CLEC16A: variants seen among roughly 807,000 people sequenced by gnomAD.
The protein encoded by CLEC16A is C-type lectin domain containing 16A.
In CLEC16A, 51 loss-of-function variants were observed where a neutral mutation model predicts 109.5. The observed-to-expected ratio is 0.47, with a 90% CI of 0.37 to 0.59. The LOEUF is 0.59. Among genes scored for constraint, CLEC16A ranks in the 20% least tolerant of loss-of-function variants. CLEC16A has a pLI of 0.00. For synonymous variants in CLEC16A, 673 were observed against 564.2 expected (o/e 1.19, Z -2.73); for missense variants, 1,339 against 1,394.0 (o/e 0.96, Z 0.63).
chr16:11,098,044 A>G (rs2050705519), intron 19 of CLEC16A, among the ~76,000 whole-genome samples: 1 of 152,236 alleles, frequency 6.6e-6, no homozygotes, highest in African/African-American at 2.4e-5. Context: ...CCCGGTGCCC[A>G]GGTCACACCC....
At chr16:11,127,625 T>G (rs2153040306) in intron 22 of CLEC16A, among the ~76,000 whole-genome samples, 2 of 152,310 alleles carry the variant, frequency 1.3e-5, no homozygotes, top group South Asian at 4.2e-4. Flanking sequence ...CCTAGCACTT[T>G]GGGAGGCTAA....
At position 10,962,581 on chromosome 16, in the gene CLEC16A, C is replaced by A. The variant is rs201484456; in HGVS notation, c.336C>A (p.Thr112=). Residue 112 remains threonine (T), a synonymous_variant, in exon 3 of 24, where the codon ACC becomes ACA. Coordinates refer to ENST00000409790, the MANE Select transcript of CLEC16A (RefSeq NM_015226.3). Reference sequence around the variant, plus strand: ...TCTTTGAGAACATCAGTCACGAGACCTCACTTTGTAAGGACATTCCTTGGT... The same window carrying A: ...TCTTTGAGAACATCAGTCACGAGACATCACTTTGTAAGGACATTCCTTGGT... ...NILFENISHE[T]SLYYLLSNNY... 11 of 1,613,760 alleles carry A rather than the reference C, an allele frequency of 6.8e-6. No homozygotes were observed. Among genetic ancestry groups the A allele is most frequent in the Non-Finnish European group, 9.3e-6 (11 of 1,179,728 alleles).
rs373999843 is a variant in CLEC16A, at chr16:11,115,074, G to A, written c.2117-5541G>A. Among the ~76,000 whole-genome samples the A allele has an allele frequency of 2.1e-4, 32 of 152,248 alleles. 1 individual carries two copies. In the South Asian group the frequency reaches 5.6e-3, roughly 27 times the overall value. On this transcript the variant is annotated intron_variant, in intron 19 of 23. Transcript: ENST00000409790. ...GGTGGAGGTGGCAGGTCTTTCTTCCGCTGAAGCCCCTCAGGCAGCCAGGCT... is the reference window on the plus strand; with the variant it reads ...GGTGGAGGTGGCAGGTCTTTCTTCCACTGAAGCCCCTCAGGCAGCCAGGCT...
chr16:10,945,941 C>T (rs2041341263), intron 1 of CLEC16A, among the ~76,000 whole-genome samples: 2 of 152,186 alleles, frequency 1.3e-5, no homozygotes, highest in South Asian at 4.1e-4. Context: ...GTTGTATTCC[C>T]AGCATCTAGG....
intron 10 of CLEC16A, among the ~76,000 whole-genome samples, chr16:10,983,579 T>C (rs1010252080): frequency 1.3e-5 from 2 of 152,216 alleles, no homozygotes; most frequent in Non-Finnish European, 2.9e-5. Context: ...GTTTGTGGTC[T>C]GCAGGAAGGA....
intron 19 of CLEC16A, among the ~76,000 whole-genome samples, chr16:11,081,660 G>T (rs1286153936): frequency 6.6e-6 from 1 of 152,096 alleles, no homozygotes; most frequent in Non-Finnish European, 1.5e-5. Context: ...GCAGTTCCAA[G>T]CCAGGAGAGC....
chr16:10,980,220 C>T (rs1329336575), intron 9 of CLEC16A, among the ~76,000 whole-genome samples: 1 of 152,150 alleles, frequency 6.6e-6, no homozygotes, highest in African/African-American at 2.4e-5. Context: ...GTTCAGAGGC[C>T]ACCTCCTCCC....
intron 21 of CLEC16A, among the ~76,000 whole-genome samples, chr16:11,124,544 C>T (rs1464960195): frequency 2.6e-5 from 4 of 152,190 alleles, no homozygotes; most frequent in South Asian, 2.1e-4. Flanking sequence ...CAACACTGCC[C>T]AGTATTAGGA....
intron 1 of CLEC16A, among the ~76,000 whole-genome samples, chr16:10,951,175 T>A: frequency 6.6e-6 from 1 of 152,200 alleles, no homozygotes; most frequent in East Asian, 1.9e-4. Context: ...ACAGTTTCTC[T>A]TCTCCAGGCA....
At chr16:11,003,971 A>C (rs1356503715) in intron 11 of CLEC16A, among the ~76,000 whole-genome samples, 5 of 134,302 alleles carry the variant, frequency 3.7e-5, no homozygotes, top group South Asian at 4.5e-4. Context: ...CTGTCTCTAC[A>C]AAAAAAAAAA....
At chr16:11,159,614 T>G (rs2054648528) in intron 22 of CLEC16A, among the ~76,000 whole-genome samples, 2 of 152,258 alleles carry the variant, frequency 1.3e-5, no homozygotes, top group Non-Finnish European at 1.5e-5. Context: ...CCATCTGCAG[T>G]CAGGCAGTTG....
At chr16:11,087,965 G>A (rs2050101245) in intron 19 of CLEC16A, among the ~76,000 whole-genome samples, 1 of 152,258 alleles carries the variant, frequency 6.6e-6, no homozygotes, top group Admixed American at 6.5e-5. Context: ...GAGCTCTTGG[G>A]ACAAGTCTGA....
At chr16:10,992,141 G>A (rs1185782633) in intron 10 of CLEC16A, among the ~76,000 whole-genome samples, 1 of 152,148 alleles carries the variant, frequency 6.6e-6, no homozygotes, top group Non-Finnish European at 1.5e-5. Flanking sequence ...AGTTTCATGG[G>A]CAAAGAGAAG....
intron 19 of CLEC16A, among the ~76,000 whole-genome samples, chr16:11,111,992 C>T (rs544250493): frequency 6.6e-6 from 1 of 152,392 alleles, no homozygotes; most frequent in Non-Finnish European, 1.5e-5. Context: ...AGCTTCTAAA[C>T]ACTCCGAATG....
chr16:11,156,388 C>A (rs9924411), intron 22 of CLEC16A, among the ~76,000 whole-genome samples: 92,103 of 143,902 alleles, frequency 0.64, 29,963 homozygotes, highest in South Asian at 0.75. Flanking sequence ...AAAAAAAAAA[C>A]ACAACTAATC....
intron 11 of CLEC16A, among the ~76,000 whole-genome samples, chr16:11,018,485 C>T (rs774326255): frequency 5.3e-5 from 8 of 151,826 alleles, no homozygotes; most frequent in Non-Finnish European, 1.2e-4. Context: ...CGCGGTAGCT[C>T]ACGCCTGTAA....
intron 11 of CLEC16A, among the ~76,000 whole-genome samples, chr16:11,017,270 C>T (rs1032625213): frequency 2.0e-5 from 3 of 152,184 alleles, no homozygotes; most frequent in Non-Finnish European, 2.9e-5. Flanking sequence ...TGTGTGCCTA[C>T]TCTGTGCCAG....
At chr16:11,011,130 A>G (rs1482566124) in intron 11 of CLEC16A, among the ~76,000 whole-genome samples, 1 of 152,238 alleles carries the variant, frequency 6.6e-6, no homozygotes, top group Non-Finnish European at 1.5e-5. Flanking sequence ...TAAGCAGTCC[A>G]CAGGGAGACA....
At chr16:11,089,454 G>C (rs1226187694) in intron 19 of CLEC16A, among the ~76,000 whole-genome samples, 1 of 152,136 alleles carries the variant, frequency 6.6e-6, no homozygotes, top group Non-Finnish European at 1.5e-5. Flanking sequence ...TAGCAACTCA[G>C]TTCACAAACA....
Sources: gnomAD v4.1 joint callset for allele counts (sites outside exome capture counted in the v4.1 genomes callset) on GRCh38, gnomAD v4.1.1 for gene constraint, MANE v1.5 for transcripts, NCBI Gene and HGNC (gene_info 2026-07-23, HGNC 2026-07-21) for gene names.